JADE3: variants seen among roughly 807,000 people sequenced by gnomAD.
The protein encoded by JADE3 is jade family PHD finger 3, also known as protein Jade-3.
Under a neutral mutation model 50.1 loss-of-function variants are expected in JADE3, and 2 were observed. The observed-to-expected ratio is 0.04, with a 90% CI of 0.02 to 0.13. The LOEUF (loss-of-function observed/expected upper bound fraction) is 0.13. Among genes scored for constraint, JADE3 ranks in the 10% least tolerant of loss-of-function variants. The pLI is 1.00. For synonymous variants in JADE3, 218 were observed against 232.9 expected, an observed-to-expected ratio of 0.94 and a Z score of 0.58; for missense variants, 475 against 634.4, an observed-to-expected ratio of 0.75 and a Z score of 2.70.
Position 46,935,440 on chromosome X carries a change from C to A in JADE3, c.-12+22721C>A, listed in dbSNP as rs1299315419. Among the ~76,000 whole-genome samples the A allele has an allele frequency of 1.2e-4, 13 of 110,884 alleles. No individual in the cohort carries two copies. The East Asian group carries it at 3.8e-3, about 32-fold the overall frequency. Reference sequence around the variant, plus strand: ...ACAAAAAATAGGCTGTGGACTCTTACCAGTCTGTGGCCTGTTAGGAACCAG... The same window carrying A: ...ACAAAAAATAGGCTGTGGACTCTTAACAGTCTGTGGCCTGTTAGGAACCAG... On this transcript the variant is annotated intron_variant, in intron 1 of 10. Transcript: ENST00000614628.
Position 47,059,333 on chromosome X carries a change from A to G in JADE3, c.*256A>G. 1 of 314,500 alleles carries G rather than the reference A, an allele frequency of 3.2e-6. No homozygotes were observed. The highest frequency in any genetic ancestry group is 5.5e-6 in the Non-Finnish European group (1 of 181,681). 25.9% of individuals were successfully genotyped at this position (314,500 alleles called of 1,213,427 possible). A position where few individuals can be genotyped will look rare whatever the true frequency, so the allele number is the denominator to read the frequency against. On this transcript the variant is annotated 3_prime_UTR_variant, in exon 11 of 11. Coordinates refer to ENST00000614628, the MANE Select transcript of JADE3 (RefSeq NM_014735.5). Reference sequence around the variant, plus strand: ...ACAGCTGGGCCCAGGGTATTTGCTCAGTAAATATTTTGGGGCAGCTTTCCG... The same window carrying G: ...ACAGCTGGGCCCAGGGTATTTGCTCGGTAAATATTTTGGGGCAGCTTTCCG...
intron 6 of JADE3, among the ~76,000 whole-genome samples, chrX:47,033,047 T>C (rs1929055072): frequency 8.9e-6 from 1 of 112,140 alleles, no homozygotes; most frequent in African/African-American, 3.2e-5. Flanking sequence ...TGAATTATTG[T>C]GATTAGTGTA....
intron 8 of JADE3, among the ~76,000 whole-genome samples, chrX:47,042,623 A>G (rs781904940): frequency 3.1e-4 from 35 of 111,964 alleles, no homozygotes; most frequent in Middle Eastern, 4.2e-3. Flanking sequence ...TGCATGAGGA[A>G]AGGGGAGGAA....
chrX:46,966,036 A>C (rs1927358093), intron 1 of JADE3, among the ~76,000 whole-genome samples: 1 of 112,380 alleles, frequency 8.9e-6, no homozygotes, highest in Non-Finnish European at 1.9e-5. Flanking sequence ...ATAGGTCCTA[A>C]ACTAAGAAAA....
chrX:46,994,133 G>C (rs1439277676), intron 3 of JADE3, among the ~76,000 whole-genome samples: 2 of 112,284 alleles, frequency 1.8e-5, no homozygotes, highest in Non-Finnish European at 3.8e-5. Flanking sequence ...ATGTTCAGAG[G>C]AGCTGTGCTT....
intron 8 of JADE3, among the ~76,000 whole-genome samples, chrX:47,053,793 G>A (rs1929571635): frequency 8.9e-6 from 1 of 112,133 alleles, no homozygotes; most frequent in Admixed American, 9.5e-5. Context: ...CTTGACAATT[G>A]TTATAGGTAC....
At chrX:46,959,184 T>A (rs1556347153) in intron 1 of JADE3, among the ~76,000 whole-genome samples, 2 of 112,637 alleles carry the variant, frequency 1.8e-5, no homozygotes, top group Non-Finnish European at 3.8e-5. Context: ...AATGGCAACA[T>A]CCAGGCTGTT....
At chrX:46,952,762 C>T (rs1432108389) in intron 1 of JADE3, among the ~76,000 whole-genome samples, 1 of 111,867 alleles carries the variant, frequency 8.9e-6, no homozygotes, top group African/African-American at 3.3e-5. Flanking sequence ...CTTTGGGAGG[C>T]CGAGGCGTAT....
In JADE3 at chrX:46,912,588, G is replaced by A. The variant is rs1367771151; in HGVS notation, c.-143G>A. On this transcript the variant is annotated 5_prime_UTR_variant, in exon 1 of 11. Coordinates refer to ENST00000614628, the MANE Select transcript of JADE3 (RefSeq NM_014735.5). ...GGCGGGGGCGAGGAGGGGATTAAGG[G>A]GCAGGTGCGAGGGAGGGAAGAGAAG... The A allele has an allele frequency of 9.1e-6, 1 of 109,332 alleles. No homozygotes were observed. The highest frequency in any genetic ancestry group is 1.9e-5 in the Non-Finnish European group (1 of 51,945). 9.0% of individuals were successfully genotyped at this position (109,332 alleles called of 1,213,427 possible).
At chrX:47,037,558 G>A (rs782733139) in intron 7 of JADE3, among the ~76,000 whole-genome samples, 1 of 112,158 alleles carries the variant, frequency 8.9e-6, no homozygotes, top group Admixed American at 9.5e-5. Context: ...GCCAAGGCAG[G>A]AGGATCACTT....
At chrX:47,017,065 A>G (rs1300136152) in intron 4 of JADE3, among the ~76,000 whole-genome samples, 1 of 111,676 alleles carries the variant, frequency 9.0e-6, no homozygotes, top group Non-Finnish European at 1.9e-5. Flanking sequence ...GATGAGGGAG[A>G]AATAAGAATA....
intron 4 of JADE3, 62 bp downstream of exon 4, chrX:46,998,339 G>T: frequency 9.6e-7 from 1 of 1,043,323 alleles, no homozygotes; most frequent in Non-Finnish European, 1.3e-6. Flanking sequence ...TCTGCTGCTT[G>T]GGGAGAAACT....
chrX:46,935,350 C>T (rs577678284), intron 1 of JADE3, among the ~76,000 whole-genome samples: 6 of 111,518 alleles, frequency 5.4e-5, no homozygotes, highest in East Asian at 2.8e-4. Context: ...TTTTAAAAAG[C>T]GTTTTTGGCT....
At chrX:46,942,094 T>C (rs1926774773) in intron 1 of JADE3, among the ~76,000 whole-genome samples, 1 of 110,822 alleles carries the variant, frequency 9.0e-6, no homozygotes. Flanking sequence ...ATTTTTTAAG[T>C]TCCTTATAGA....
At chrX:47,035,363 TG>T (rs2146980819) in intron 7 of JADE3, among the ~76,000 whole-genome samples, 1 of 112,206 alleles carries the variant, frequency 8.9e-6, no homozygotes, top group African/African-American at 3.2e-5. Flanking sequence ...TATATACTTT[TG>T]TATTCCTATG....
At chrX:46,926,960 A>C (rs1926384128) in intron 1 of JADE3, among the ~76,000 whole-genome samples, 1 of 112,382 alleles carries the variant, frequency 8.9e-6, no homozygotes, top group Non-Finnish European at 1.9e-5. Flanking sequence ...AGCCGCTATA[A>C]AAATTCATGT....
intron 1 of JADE3, among the ~76,000 whole-genome samples, chrX:46,960,822 A>C (rs1322947625): frequency 2.7e-5 from 3 of 111,450 alleles, no homozygotes; most frequent in African/African-American, 6.5e-5. Flanking sequence ...TGTTCAATGC[A>C]TATTTAAAGG....
chrX:46,959,195 AT>A (rs1254211108), intron 1 of JADE3, among the ~76,000 whole-genome samples: 1 of 112,492 alleles, frequency 8.9e-6, no homozygotes, highest in African/African-American at 3.2e-5. Flanking sequence ...CCAGGCTGTT[AT>A]TGCAGCCCCA....
intron 7 of JADE3, among the ~76,000 whole-genome samples, chrX:47,035,286 G>A (rs1328965848): frequency 9.0e-6 from 1 of 111,389 alleles, no homozygotes; most frequent in African/African-American, 3.3e-5. Flanking sequence ...TTTTAATCTT[G>A]TTAATATTGG....
Sources: allele counts gnomAD v4.1 joint callset (sites outside exome capture counted in the v4.1 genomes callset), GRCh38; gene constraint gnomAD v4.1.1; transcripts MANE v1.5; gene names NCBI Gene and HGNC (gene_info 2026-07-23, HGNC 2026-07-21).